B3GNT2: variants seen among roughly 807,000 people sequenced by gnomAD.
The protein encoded by B3GNT2 is UDP-GlcNAc:betaGal beta-1,3-N-acetylglucosaminyltransferase 2.
A neutral mutation model predicts 27.6 loss-of-function variants in B3GNT2; 12 were observed. That is an observed-to-expected ratio of 0.44 (90% CI 0.28 to 0.71). The LOEUF is 0.71. Among genes scored for constraint, B3GNT2 ranks in the 30% least tolerant of loss-of-function variants. B3GNT2 has a pLI of 0.17. For missense variants in B3GNT2, 413 were observed against 488.5 expected (o/e 0.85, Z 1.46); for synonymous variants, 192 against 189.7 (o/e 1.01, Z -0.10).
In B3GNT2 at chr2:62,222,508, C is replaced by T. The variant is rs374000666; in HGVS notation, c.288C>T (p.Cys96=). 48 of 1,614,042 alleles carry T rather than the reference C, an allele frequency of 3.0e-5. No individual in the cohort carries two copies. The highest frequency in any genetic ancestry group is 8.0e-5 in the African/African-American group (6 of 74,910). ...RLSNISHLNY[C]EPDLRVTSVV... ...CCAATATAAGCCATCTGAACTACTG[C>T]GAACCTGACCTGAGGGTCACGTCGG... The change falls in exon 2 of 2, where the codon TGC becomes TGT. Residue 96 remains cysteine (C), a synonymous_variant. Transcript: ENST00000301998. This position sits in a 1 kb window ranked among gnomAD's most constrained non-coding sequence, Gnocchi z 4.2.
intron 1 of B3GNT2, among the ~76,000 whole-genome samples, chr2:62,200,430 G>A (rs943229193): frequency 6.6e-6 from 1 of 152,142 alleles, no homozygotes; most frequent in East Asian, 1.9e-4. Flanking sequence ...TAGGATGTAC[G>A]TAGCTTACCA....
In B3GNT2 at chr2:62,223,361, C is replaced by A; in HGVS notation, c.1141C>A (p.Gln381Lys). 6.2e-7 allele frequency: 1 copy of A among 1,613,640 alleles called. No homozygotes were observed. The highest frequency in any genetic ancestry group is 1.3e-5 in the African/African-American group (1 of 74,934). ...GATGTTAGTACATAGTAGAAAACCT[C>A]AAGAGATGATTGATATTTGGTCTCA... ...DLMLVHSRKP[Q>K]EMIDIWSQLQ... is the part of the protein sequence containing the mutation. Residue 381 changes from glutamine (Q) to lysine (K), a missense_variant, in exon 2 of 2, where the codon CAA (glutamine) becomes AAA (lysine). By Grantham distance (53) the Gln-to-Lys change is moderately conservative. Coordinates refer to ENST00000301998, the MANE Select transcript of B3GNT2 (RefSeq NM_006577.6).
At chr2:62,207,615 T>A (rs1674401363) in intron 1 of B3GNT2, among the ~76,000 whole-genome samples, 1 of 152,156 alleles carries the variant, frequency 6.6e-6, no homozygotes, top group African/African-American at 2.4e-5. Context: ...TGAAACTGTC[T>A]CACCCTAGAT....
chr2:62,196,897 C>A (rs1674156575), intron 1 of B3GNT2, among the ~76,000 whole-genome samples: 1 of 152,074 alleles, frequency 6.6e-6, no homozygotes, highest in African/African-American at 2.4e-5. Flanking sequence ...ATGGGGAGAT[C>A]AGGTGTTTTG....
rs752752682 is a variant in B3GNT2 at position 62,222,432 on chromosome 2, A to G, written c.212A>G (p.Asn71Ser). 10 of 1,613,940 alleles carry G rather than the reference A, an allele frequency of 6.2e-6. No homozygotes were observed. The African/African-American group carries it at 8.0e-5, about 13-fold the overall frequency. ...CAAGAGAAGCTGAACCGGCAGTACAACCCCATCCTGAGCATGCTGACCAAC... is the reference window on the plus strand; with the variant it reads ...CAAGAGAAGCTGAACCGGCAGTACAGCCCCATCCTGAGCATGCTGACCAAC... ...REQEKLNRQY[N>S]PILSMLTNQT... The change falls in exon 2 of 2, where the codon AAC becomes AGC. Residue 71 changes from asparagine to serine, a missense_variant. Asn to Ser is a conservative substitution (Grantham distance 46, BLOSUM62 1). Transcript: ENST00000301998. The surrounding 1 kb of genome is among the most constrained non-coding windows in gnomAD (Gnocchi z 4.2).
intron 1 of B3GNT2, among the ~76,000 whole-genome samples, chr2:62,199,295 A>T (rs547111120): frequency 6.6e-6 from 1 of 152,364 alleles, no homozygotes; most frequent in East Asian, 1.9e-4. Context: ...TAATTTAGGG[A>T]TGCTGATCCA....
At chr2:62,200,608 A>AAT (rs1674249249) in intron 1 of B3GNT2, among the ~76,000 whole-genome samples, 1 of 152,218 alleles carries the variant, frequency 6.6e-6, no homozygotes, top group Admixed American at 6.5e-5. Flanking sequence ...GAGAAGTGTT[A>AAT]ATATTAAGCA....
chr2:62,201,761 A>C (rs1003544837), intron 1 of B3GNT2, among the ~76,000 whole-genome samples: 2 of 152,228 alleles, frequency 1.3e-5, no homozygotes, highest in African/African-American at 4.8e-5. Flanking sequence ...AACTACATTA[A>C]CTTGATGTGG....
chr2:62,213,065 C>A (rs966670683), intron 1 of B3GNT2, among the ~76,000 whole-genome samples: 2 of 152,150 alleles, frequency 1.3e-5, no homozygotes, highest in African/African-American at 4.8e-5. Context: ...ATTAAGCTCC[C>A]CAAAAAGGGA....
At chr2:62,216,546 C>T (rs1381608329) in intron 1 of B3GNT2, among the ~76,000 whole-genome samples, 3 of 152,056 alleles carry the variant, frequency 2.0e-5, no homozygotes, top group Admixed American at 6.5e-5. Context: ...GCTGGGACCA[C>T]AGGTGCATGC....
chr2:62,206,526 C>T (rs1046340327), intron 1 of B3GNT2, among the ~76,000 whole-genome samples: 3 of 152,032 alleles, frequency 2.0e-5, no homozygotes, highest in Admixed American at 6.5e-5. Flanking sequence ...TTTTCCCTTC[C>T]CCAAAGTGTT....
Position 62,217,389 on chromosome 2 carries a change from C to G in B3GNT2, c.-9-4823C>G, listed in dbSNP as rs58375564. Among the ~76,000 whole-genome samples the G allele has an allele frequency of 3.9e-3, 597 of 152,302 alleles. 3 individuals are homozygous for G. Among genetic ancestry groups the G allele is most frequent in the African/African-American group, 0.013 (546 of 41,556 alleles). On this transcript the variant is annotated intron_variant, in intron 1 of 1. Transcript: ENST00000301998. The stretch of plus-strand genomic sequence containing the variant: ...TGTCCACCCACCCCGTGCCCCCTAC[C>G]CTGTGCCTCAGCGAAATAAGCAGTG...
At chr2:62,217,525 G>A (rs1400078596) in intron 1 of B3GNT2, among the ~76,000 whole-genome samples, 1 of 152,250 alleles carries the variant, frequency 6.6e-6, no homozygotes, top group South Asian at 2.1e-4. Flanking sequence ...ACGTGGCACA[G>A]GCACAAGGGA....
chr2:62,217,882 T>C (rs1674605696), intron 1 of B3GNT2, among the ~76,000 whole-genome samples: 1 of 152,248 alleles, frequency 6.6e-6, no homozygotes, highest in South Asian at 2.1e-4. Context: ...ATACTGTCTT[T>C]CTAAATATTT....
chr2:62,208,011 C>CT (rs1482655811), intron 1 of B3GNT2, among the ~76,000 whole-genome samples: 2 of 152,084 alleles, frequency 1.3e-5, no homozygotes, highest in Non-Finnish European at 2.9e-5. Context: ...GAATGGTGTA[C>CT]TTTTGAAAGT....
chr2:62,209,039 C>T (rs1275328621), intron 1 of B3GNT2, among the ~76,000 whole-genome samples: 2 of 152,008 alleles, frequency 1.3e-5, no homozygotes, highest in African/African-American at 4.8e-5. Flanking sequence ...CAGGCTGGGT[C>T]GGAGTGCAGT....
At chr2:62,208,241 C>A (rs891001545) in intron 1 of B3GNT2, among the ~76,000 whole-genome samples, 7 of 134,452 alleles carry the variant, frequency 5.2e-5, no homozygotes, top group Non-Finnish European at 9.4e-5. Flanking sequence ...CCTTCCCCCC[C>A]AATCTCTACA....
chr2:62,211,880 C>T (rs368449115), intron 1 of B3GNT2, among the ~76,000 whole-genome samples: 2 of 152,222 alleles, frequency 1.3e-5, no homozygotes, highest in African/African-American at 4.8e-5. Flanking sequence ...TGCCTTGACC[C>T]CTGCTGTTGA....
rs181947180 is a variant in B3GNT2 at position 62,212,514 on chromosome 2, C to T, written c.-9-9698C>T. ...TCCTATGGAGGGAGGCCTCTTCACT[C>T]TGGTCCAGCAGCACCTGATGACTCC... On this transcript the variant is annotated intron_variant, in intron 1 of 1. Transcript: ENST00000301998. 2.1e-3 allele frequency among the ~76,000 whole-genome samples: 324 copies of T among 152,052 alleles called. 3 individuals carry two copies. Among genetic ancestry groups the T allele is most frequent in the African/African-American group, 7.5e-3 (309 of 41,446 alleles).
Sources: allele counts gnomAD v4.1 joint callset (sites outside exome capture counted in the v4.1 genomes callset), GRCh38; gene constraint gnomAD v4.1.1; non-coding constraint Gnocchi (gnomAD v3.1); transcripts MANE v1.5; gene names NCBI Gene and HGNC (gene_info 2026-07-23, HGNC 2026-07-21).